RGPD3: variants seen among roughly 807,000 people sequenced by gnomAD.
RGPD3 encodes ranBP2-like and GRIP domain-containing protein 3.
In RGPD3, 62 loss-of-function variants were observed where a neutral mutation model predicts 154.5. The observed-to-expected ratio is 0.40, with a 90% CI of 0.33 to 0.50. The LOEUF (loss-of-function observed/expected upper bound fraction) is 0.50. Ranked by LOEUF, RGPD3 falls within the 20% of genes least tolerant of loss-of-function variation. The pLI is 0.59. For synonymous variants in RGPD3, 308 were observed against 607.0 expected (o/e 0.51, Z 7.24); for missense variants, 919 against 1,716.8 (o/e 0.54, Z 8.21).
In RGPD3 at chr2:106,424,660, C is replaced by G; in HGVS notation, c.3307G>C (p.Glu1103Gln). 2 of 1,611,986 alleles carry G rather than the reference C, an allele frequency of 1.2e-6. No individual in the cohort carries two copies. Among genetic ancestry groups the G allele is most frequent in the South Asian group, 1.1e-5 (1 of 90,990 alleles). ...TTAGCACACACTTTTAGTACTTGTT[C>G]TCTTTGCATCAGCATTCTTACTTTG... ...NGKVRMLMQR[E>Q]QVLKVCANHW... Residue 1103 changes from glutamate to glutamine, a missense_variant, in exon 20 of 23, where the codon GAA becomes CAA. Glu to Gln is a conservative substitution (Grantham distance 29, BLOSUM62 2). Coordinates refer to ENST00000409886, the MANE Select transcript of RGPD3 (RefSeq NM_001144013.2).
chr2:106,445,553 A>G (rs1236121296), intron 7 of RGPD3, among the ~76,000 whole-genome samples: 484 of 149,444 alleles, frequency 3.2e-3, no homozygotes, highest in African/African-American at 0.01. Context: ...AGGCCGAGTC[A>G]GGTGGATCAC....
intron 6 of RGPD3, among the ~76,000 whole-genome samples, chr2:106,449,230 T>G (rs988529266): frequency 2.7e-5 from 4 of 149,490 alleles, no homozygotes; most frequent in Non-Finnish European, 5.9e-5. Flanking sequence ...TTTGGGAGGC[T>G]GAGGCGGGTG....
At chr2:106,416,120 C>A in intron 20 of RGPD3, 131 bp from the exon 21 acceptor site, 1 of 1,454,932 alleles carries the variant, frequency 6.9e-7, no homozygotes. Flanking sequence ...TGCCATTCAT[C>A]TATTCGGCAT....
In RGPD3 at chr2:106,456,963, T is replaced by G. The variant is rs753662806; in HGVS notation, c.405+8A>C. 1.3e-5 allele frequency: 21 copies of G among 1,603,400 alleles called. No individual in the cohort carries two copies. The highest frequency in any genetic ancestry group is 2.3e-4 in the Middle Eastern group (1 of 4,412). Reference sequence around the variant, plus strand: ...TAAGTTTTCTCCCTTTATGTTTTGTTTGTTTACCTTTAGTTTATAAATTGC... The same window carrying G: ...TAAGTTTTCTCCCTTTATGTTTTGTGTGTTTACCTTTAGTTTATAAATTGC... On this transcript the variant is annotated splice_region_variant and intron_variant, in intron 4 of 22. Transcript: ENST00000409886.
At chr2:106,450,705 C>CA (rs768839840) in intron 6 of RGPD3, among the ~76,000 whole-genome samples, 11,838 of 43,146 alleles carry the variant, frequency 0.27, 1,289 homozygotes, top group East Asian at 0.47. Context: ...GACTCTGTCT[C>CA]AAAAAAAAAA....
rs1676442670 is a variant in RGPD3 at position 106,404,221 on chromosome 2, T to C, written c.*998A>G. Among the ~76,000 whole-genome samples the C allele has an allele frequency of 1.3e-5, 2 of 150,268 alleles. No individual in the cohort carries two copies. The highest frequency in any genetic ancestry group is 5.0e-5 in the African/African-American group (2 of 39,904). On this transcript the variant is annotated 3_prime_UTR_variant, in exon 23 of 23. Transcript: ENST00000409886. Reference sequence around the variant, plus strand: ...TATAGTCACTGTTGGGATAGGTTTTTATTTGGGAAAATGGAGAGGATTCTC... The same window carrying C: ...TATAGTCACTGTTGGGATAGGTTTTCATTTGGGAAAATGGAGAGGATTCTC...
intron 1 of RGPD3, among the ~76,000 whole-genome samples, chr2:106,463,380 C>CA (rs558407097): frequency 1.0e-3 from 155 of 152,344 alleles, no homozygotes; most frequent in African/African-American, 3.6e-3. Flanking sequence ...GAGGCTGAGG[C>CA]AGGAGAATCA....
chr2:106,463,290 T>C (rs1384932459), intron 1 of RGPD3, among the ~76,000 whole-genome samples: 1 of 152,002 alleles, frequency 6.6e-6, no homozygotes, highest in Admixed American at 6.6e-5. Context: ...GCCTGACCAG[T>C]ATGGTGAAAT....
rs761974807 is a variant in RGPD3 at position 106,413,228 on chromosome 2, C to T, written c.5122G>A (p.Ala1708Thr). Residue 1708 changes from alanine to threonine, a missense_variant, in exon 22 of 23, where the codon GCT becomes ACT. Ala to Thr is a moderately conservative substitution (Grantham distance 58). Transcript: ENST00000409886. ...ACGTTCTTCAAGTGTTCCACGTTAGCTGCAGACACCTCTTGCTCTTGATTC... is the reference window on the plus strand; with the variant it reads ...ACGTTCTTCAAGTGTTCCACGTTAGTTGCAGACACCTCTTGCTCTTGATTC... ...ERNQEQEVSAANVEHLKNVLL... is the reference protein window; with the variant it reads ...ERNQEQEVSATNVEHLKNVLL... The T allele has an allele frequency of 2.5e-6, 4 of 1,612,010 alleles. No individual in the cohort carries two copies. The highest frequency in any genetic ancestry group is 3.4e-6 in the Non-Finnish European group (4 of 1,179,856).
chr2:106,465,883 G>A (rs1678559400), intron 1 of RGPD3, among the ~76,000 whole-genome samples: 2 of 151,790 alleles, frequency 1.3e-5, no homozygotes, highest in Non-Finnish European at 2.9e-5. Flanking sequence ...CGTGTCATTT[G>A]CGCCGTCGGG....
At position 106,424,243 on chromosome 2, in the gene RGPD3, T is replaced by A; in HGVS notation, c.3724A>T (p.Asn1242Tyr). ...SDTTIKPNAE[N>Y]TGPTLEWDNY... Reference sequence around the variant, plus strand: ...TCCCATTCTAATGTGGGCCCAGTGTTTTCAGCATTGGGTTTTATTGTTGTG... The same window carrying A: ...TCCCATTCTAATGTGGGCCCAGTGTATTCAGCATTGGGTTTTATTGTTGTG... The change falls in exon 20 of 23, where the codon AAC becomes TAC. Residue 1242 changes from asparagine to tyrosine, a missense_variant. Transcript: ENST00000409886. The A allele has an allele frequency of 6.2e-7, 1 of 1,611,976 alleles. No homozygotes were observed.
chr2:106,465,701 A>G (rs1489419061), intron 1 of RGPD3, among the ~76,000 whole-genome samples: 2 of 152,100 alleles, frequency 1.3e-5, no homozygotes, highest in East Asian at 3.9e-4. Flanking sequence ...ATTGCAAGCC[A>G]TACTAACGAT....
chr2:106,405,294 T>C lies in RGPD3; in HGVS notation c.5267-65A>G, dbSNP rs534232598. Reference sequence around the variant, plus strand: ...TTAAAATTTCTCAATGTAAAATCTATATTTTAGAACCACTCTACAATATAA... The same window carrying C: ...TTAAAATTTCTCAATGTAAAATCTACATTTTAGAACCACTCTACAATATAA... On this transcript the variant is annotated intron_variant, in intron 22 of 22. Transcript: ENST00000409886. The C allele has an allele frequency of 3.1e-4, 456 of 1,489,448 alleles. 3 individuals carry two copies. The East Asian group carries it at 7.4e-3, about 24-fold the overall frequency. The allele number at this position is 1,489,448 out of a possible 1,614,324, so 92.3% of individuals were successfully genotyped here.
chr2:106,405,409 T>C (rs1415114208), intron 22 of RGPD3, among the ~76,000 whole-genome samples, 180 bp from the exon 23 acceptor site: 4 of 142,446 alleles, frequency 2.8e-5, no homozygotes, highest in Non-Finnish European at 6.1e-5. Flanking sequence ...AGGGTCTTGC[T>C]CTGTCACCCA....
chr2:106,466,301 A>C (rs1289315290), intron 1 of RGPD3, among the ~76,000 whole-genome samples: 2 of 150,978 alleles, frequency 1.3e-5, no homozygotes, highest in African/African-American at 2.4e-5. Flanking sequence ...CGGGCGCCGC[A>C]ACAGAGCGCG....
chr2:106,441,769 C>T (rs1417932724), intron 7 of RGPD3, among the ~76,000 whole-genome samples: 2 of 142,770 alleles, frequency 1.4e-5, no homozygotes, highest in Non-Finnish European at 3.0e-5. Flanking sequence ...GAGGCTGAGG[C>T]ACAAGGATAG....
intron 1 of RGPD3, among the ~76,000 whole-genome samples, chr2:106,466,029 A>G (rs1007568781): frequency 1.3e-5 from 2 of 151,716 alleles, no homozygotes; most frequent in Non-Finnish European, 2.9e-5. Flanking sequence ...ATATAAAGTA[A>G]ATGTCCAGGA....
chr2:106,419,659 G>A (rs2104451476), intron 20 of RGPD3, among the ~76,000 whole-genome samples: 1 of 150,148 alleles, frequency 6.7e-6, no homozygotes, highest in South Asian at 2.2e-4. Flanking sequence ...GAGACTATCT[G>A]AGGGAGAATC....
intron 1 of RGPD3, among the ~76,000 whole-genome samples, chr2:106,461,920 C>T (rs1429616852): frequency 2.0e-4 from 30 of 147,292 alleles, no homozygotes; most frequent in African/African-American, 6.7e-4. Flanking sequence ...TCCCCCCTTC[C>T]TTTTTTTTTT....
Sources: gnomAD v4.1 joint callset for allele counts (sites outside exome capture counted in the v4.1 genomes callset) on GRCh38, gnomAD v4.1.1 for gene constraint, MANE v1.5 for transcripts, NCBI Gene and HGNC (gene_info 2026-07-23, HGNC 2026-07-21) for gene names.